NTRK3: variants seen among roughly 807,000 people sequenced by gnomAD.
The protein encoded by NTRK3 is NT-3 growth factor receptor.
In NTRK3, 24 loss-of-function variants were observed where a neutral mutation model predicts 91.7. The ratio of observed to expected loss-of-function variants is 0.26; its 90% CI spans 0.19 to 0.37. The LOEUF (loss-of-function observed/expected upper bound fraction) is 0.37. Among genes scored for constraint, NTRK3 ranks in the 10% least tolerant of loss-of-function variants. The pLI is 1.00. For missense variants in NTRK3, 880 were observed against 1,068.9 expected, an observed-to-expected ratio of 0.82 and a Z score of 2.46; for synonymous variants, 483 against 404.0, an observed-to-expected ratio of 1.20 and a Z score of -2.34.
chr15:88,185,618 T>G (rs987330928), intron 3 of NTRK3, among the ~76,000 whole-genome samples: 2 of 152,146 alleles, frequency 1.3e-5, no homozygotes, highest in African/African-American at 4.8e-5. Context: ...TCAGTGGCCA[T>G]GAATTCTAAG....
chr15:88,127,119 C>A, intron 12 of NTRK3, 43 bp downstream of exon 12: 2 of 1,518,574 alleles, frequency 1.3e-6, no homozygotes, highest in Non-Finnish European at 1.8e-6. Flanking sequence ...CTGAAAATGA[C>A]TATGCCAGTC....
At chr15:87,940,512 T>C in intron 15 of NTRK3, 111 bp downstream of exon 15, 3 of 1,549,104 alleles carry the variant, frequency 1.9e-6, no homozygotes, top group Non-Finnish European at 1.8e-6. Flanking sequence ...TTTGATTGCA[T>C]CTGAGAAAGC....
intron 18 of NTRK3, among the ~76,000 whole-genome samples, chr15:87,877,577 T>G (rs900492327): frequency 2.6e-5 from 4 of 151,870 alleles, no homozygotes; most frequent in African/African-American, 7.3e-5. Flanking sequence ...TGCATGCCTA[T>G]CTCCTCTTAT....
exon 19 of NTRK3, chr15:87,873,248 G>C (rs1010977555): frequency 1.1e-4 from 25 of 231,432 alleles, no homozygotes; most frequent in African/African-American, 5.5e-4. Flanking sequence ...CTCTGTCTAG[G>C]AGTAATTTGT....
At chr15:88,085,286 T>C (rs572811604) in intron 13 of NTRK3, among the ~76,000 whole-genome samples, 5 of 152,358 alleles carry the variant, frequency 3.3e-5, no homozygotes, top group African/African-American at 9.6e-5. Context: ...GTTCAACTCA[T>C]ATTCATGCCC....
At chr15:87,886,173 T>C (rs1252777191) in intron 17 of NTRK3, among the ~76,000 whole-genome samples, 2 of 152,000 alleles carry the variant, frequency 1.3e-5, no homozygotes, top group African/African-American at 4.8e-5. Context: ...CTATCTTGTG[T>C]TTGAGAGGGG....
intron 3 of NTRK3, among the ~76,000 whole-genome samples, chr15:88,218,532 T>C (rs1442172681): frequency 6.6e-6 from 1 of 152,212 alleles, no homozygotes; most frequent in Non-Finnish European, 1.5e-5. Flanking sequence ...TGCTAAGGGC[T>C]GGGGCACAGA....
At chr15:87,907,152 G>T (rs982455178) in intron 17 of NTRK3, among the ~76,000 whole-genome samples, 1 of 152,198 alleles carries the variant, frequency 6.6e-6, no homozygotes, top group Non-Finnish European at 1.5e-5. Flanking sequence ...TGACCAATTT[G>T]ATATTTTAAT....
intron 5 of NTRK3, among the ~76,000 whole-genome samples, chr15:88,177,376 G>C (rs925041832): frequency 4.6e-5 from 7 of 152,222 alleles, no homozygotes; most frequent in African/African-American, 1.7e-4. Flanking sequence ...TACTGTCACA[G>C]TGTCAGAGGA....
At chr15:88,219,121 G>A (rs2050035227) in intron 3 of NTRK3, among the ~76,000 whole-genome samples, 1 of 152,238 alleles carries the variant, frequency 6.6e-6, no homozygotes, top group Non-Finnish European at 1.5e-5. Flanking sequence ...TGGAAGGCCT[G>A]AGGCAGACCT....
intron 14 of NTRK3, chr15:87,979,138 T>C (rs2073980564): frequency 1.6e-6 from 1 of 618,916 alleles, no homozygotes; most frequent in South Asian, 1.9e-5. Context: ...AGCACAGTGA[T>C]GATTGGAGGG....
At chr15:88,031,676 C>T (rs2078551262) in intron 14 of NTRK3, among the ~76,000 whole-genome samples, 1 of 152,166 alleles carries the variant, frequency 6.6e-6, no homozygotes, top group African/African-American at 2.4e-5. Context: ...CTCAAGCCCA[C>T]TCCCTCCCAC....
chr15:88,150,887 T>C (rs2043310863), intron 5 of NTRK3, among the ~76,000 whole-genome samples: 1 of 152,186 alleles, frequency 6.6e-6, no homozygotes, highest in Non-Finnish European at 1.5e-5. Context: ...AGCTTCTGTA[T>C]GAGTTGCCAC....
At position 88,135,497 on chromosome 15, in the gene NTRK3, C is replaced by T; in HGVS notation, c.908-100G>A. 4.4e-6 allele frequency: 6 copies of T among 1,359,466 alleles called. No homozygotes were observed. The Middle Eastern group carries it at 7.4e-4, about 167-fold the overall frequency. The allele number at this position is 1,359,466 out of a possible 1,614,324, so 84.2% of individuals were successfully genotyped here. A position where few individuals can be genotyped will look rare whatever the true frequency, so the allele number is the denominator to read the frequency against. ...AATGGGAATCCCGGTTCTTCCCCAC[C>T]CACTCTGAAAAGGCTGAGGGAAGCA... On this transcript the variant is annotated intron_variant, in intron 9 of 18. Coordinates refer to ENST00000394480, the Ensembl canonical transcript of NTRK3.
rs563155627 is a variant in NTRK3, at chr15:88,159,894, G to T, written c.396-12491C>A. Among the ~76,000 whole-genome samples, 3 of 146,276 alleles carry T rather than the reference G, an allele frequency of 2.1e-5. No homozygotes were observed. The Admixed American group carries it at 2.1e-4, about 10-fold the overall frequency. Reference sequence around the variant, plus strand: ...AAAGTGCCTCCTACACCTGCTTCCTGCACTCAATTACAAGATGAATCTGTG... The same window carrying T: ...AAAGTGCCTCCTACACCTGCTTCCTTCACTCAATTACAAGATGAATCTGTG... On this transcript the variant is annotated intron_variant, in intron 5 of 18. Coordinates refer to ENST00000394480, the Ensembl canonical transcript of NTRK3.
intron 14 of NTRK3, among the ~76,000 whole-genome samples, chr15:87,979,798 C>A (rs910642958): frequency 2.0e-5 from 3 of 152,042 alleles, no homozygotes; most frequent in African/African-American, 4.8e-5. Flanking sequence ...AAGGAGGAGA[C>A]CCTGACGATG....
At chr15:88,181,313 G>A (rs572180080) in intron 5 of NTRK3, among the ~76,000 whole-genome samples, 9 of 152,154 alleles carry the variant, frequency 5.9e-5, no homozygotes, top group African/African-American at 1.9e-4. Flanking sequence ...AGCCTCTATC[G>A]CTGCCACCAC....
chr15:88,126,382 A>C lies in NTRK3; in HGVS notation c.1294-9T>G. On this transcript the variant is annotated splice_polypyrimidine_tract_variant and intron_variant, in intron 12 of 18. Coordinates refer to ENST00000394480, the Ensembl canonical transcript of NTRK3. ...CCAACTGCTATGGATACCTGTGAGG[A>C]ACCAGAAACAGAGAGTCAGCAACAA... 1 of 1,589,288 alleles carries C rather than the reference A, an allele frequency of 6.3e-7. No homozygotes were observed. The highest frequency in any genetic ancestry group is 8.6e-7 in the Non-Finnish European group (1 of 1,157,594).
intron 5 of NTRK3, among the ~76,000 whole-genome samples, chr15:88,179,131 A>C (rs964608811): frequency 3.3e-5 from 5 of 152,248 alleles, no homozygotes; most frequent in Non-Finnish European, 7.3e-5. Context: ...AAGTGAGTTC[A>C]TATTTGCAAA....
Sources: gnomAD v4.1 joint callset for allele counts (sites outside exome capture counted in the v4.1 genomes callset) on GRCh38, gnomAD v4.1.1 for gene constraint, MANE v1.5 for transcripts, NCBI Gene and HGNC (gene_info 2026-07-23, HGNC 2026-07-21) for gene names.